CRYL1: variants seen among roughly 807,000 people sequenced by gnomAD.
CRYL1 encodes crystallin lambda 1.
In CRYL1, 29 loss-of-function variants were observed where a neutral mutation model predicts 36.6. The ratio of observed to expected loss-of-function variants is 0.79; its 90% CI spans 0.59 to 1.08. The LOEUF is 1.08. Among genes scored for constraint, CRYL1 ranks in the 50% least tolerant of loss-of-function variants. CRYL1 has a pLI of 0.00. For missense variants in CRYL1, 411 were observed against 407.9 expected (o/e 1.01, Z -0.06); for synonymous variants, 152 against 151.5 (o/e 1.00, Z -0.02).
chr13:20,516,211 A>AG (rs1555233546), intron 1 of CRYL1, among the ~76,000 whole-genome samples: 1 of 150,504 alleles, frequency 6.6e-6, no homozygotes, highest in Non-Finnish European at 1.5e-5. Flanking sequence ...AAAAAAAAAA[A>AG]GGCAAATTGT....
chr13:20,457,742 A>G (rs2032720247), intron 3 of CRYL1, among the ~76,000 whole-genome samples: 1 of 152,210 alleles, frequency 6.6e-6, no homozygotes, highest in African/African-American at 2.4e-5. Context: ...AAAGGACCAA[A>G]AGCTGTGGCC....
chr13:20,414,800 G>A (rs908637001), intron 5 of CRYL1, among the ~76,000 whole-genome samples: 1 of 152,234 alleles, frequency 6.6e-6, no homozygotes, highest in Non-Finnish European at 1.5e-5. Flanking sequence ...ATCTGCAAGA[G>A]CTGCGCTCCA....
In CRYL1 at chr13:20,413,524, G is replaced by T; in HGVS notation, c.634-137C>A. ...CTATACAGGGTGAGTACCACTTACCGAATATGCTTATGACCAGACATGTTT... is the reference window on the plus strand; with the variant it reads ...CTATACAGGGTGAGTACCACTTACCTAATATGCTTATGACCAGACATGTTT... On this transcript the variant is annotated intron_variant, in intron 5 of 7. Coordinates refer to ENST00000298248, the MANE Select transcript of CRYL1 (RefSeq NM_015974.3). 1.4e-5 allele frequency: 8 copies of T among 579,580 alleles called. No individual in the cohort carries two copies. In the South Asian group the frequency reaches 1.6e-4, roughly 12 times the overall value. The allele number at this position is 579,580 out of a possible 1,614,324, so 35.9% of individuals were successfully genotyped here.
intron 2 of CRYL1, among the ~76,000 whole-genome samples, chr13:20,501,479 A>G (rs899673067): frequency 2.0e-5 from 3 of 152,168 alleles, no homozygotes; most frequent in African/African-American, 7.2e-5. Context: ...CATGGCTAAC[A>G]TTTCTTTCAG....
At chr13:20,504,680 G>A (rs959702983) in intron 2 of CRYL1, among the ~76,000 whole-genome samples, 1 of 152,166 alleles carries the variant, frequency 6.6e-6, no homozygotes, top group Non-Finnish European at 1.5e-5. Context: ...AGACAAAGCA[G>A]TAAAGTATCT....
intron 1 of CRYL1, among the ~76,000 whole-genome samples, chr13:20,512,764 G>T (rs2033937647): frequency 6.6e-6 from 1 of 152,140 alleles, no homozygotes; most frequent in Non-Finnish European, 1.5e-5. Context: ...TGATGAAGGT[G>T]GAGAATAAAA....
intron 3 of CRYL1, among the ~76,000 whole-genome samples, chr13:20,472,625 A>G (rs1193398374): frequency 1.3e-5 from 2 of 152,196 alleles, no homozygotes; most frequent in Admixed American, 1.3e-4. Flanking sequence ...GGTTCCTCCC[A>G]ACCACTGCCT....
intron 3 of CRYL1, chr13:20,476,927 C>G (rs1242053711): frequency 6.6e-6 from 1 of 152,310 alleles, no homozygotes; most frequent in Non-Finnish European, 1.5e-5. Context: ...TTTGGGAGGC[C>G]GAGGCGAGTG....
chr13:20,489,800 C>A (rs1011806716), intron 2 of CRYL1, among the ~76,000 whole-genome samples: 5 of 152,020 alleles, frequency 3.3e-5, no homozygotes, highest in African/African-American at 9.7e-5. Context: ...GGGTATAAAC[C>A]CAAAATAATG....
At chr13:20,521,102 C>CAAAAA (rs55882188) in intron 1 of CRYL1, among the ~76,000 whole-genome samples, 4 of 75,442 alleles carry the variant, frequency 5.3e-5, no homozygotes, top group Admixed American at 1.5e-4. Context: ...GACTCCGTCT[C>CAAAAA]AAAAAAAAAA....
At chr13:20,420,482 C>T (rs2031774245) in intron 5 of CRYL1, among the ~76,000 whole-genome samples, 1 of 150,430 alleles carries the variant, frequency 6.6e-6, no homozygotes, top group Non-Finnish European at 1.5e-5. Context: ...TGAGGCCTGA[C>T]CTTAAAACAT....
At chr13:20,438,492 G>A (rs1206635246) in intron 4 of CRYL1, among the ~76,000 whole-genome samples, 3 of 152,102 alleles carry the variant, frequency 2.0e-5, no homozygotes, top group Non-Finnish European at 2.9e-5. Context: ...TAACCCTCAC[G>A]ATTCTCCAGA....
In CRYL1 at chr13:20,488,692, T is replaced by G. The variant is rs556573510; in HGVS notation, c.276+678A>C. Reference sequence around the variant, plus strand: ...ATGACTCTTTTAGCTTTAGGTAAATTTGCATAAACCTTATAGCAGTAAGTG... The same window carrying G: ...ATGACTCTTTTAGCTTTAGGTAAATGTGCATAAACCTTATAGCAGTAAGTG... On this transcript the variant is annotated intron_variant, in intron 3 of 7. Transcript: ENST00000298248. 3.3e-5 allele frequency among the ~76,000 whole-genome samples: 5 copies of G among 152,334 alleles called. No homozygotes were observed. In the South Asian group the frequency reaches 1.0e-3, roughly 32 times the overall value.
At chr13:20,468,000 A>G (rs139499556) in intron 3 of CRYL1, among the ~76,000 whole-genome samples, 3 of 152,162 alleles carry the variant, frequency 2.0e-5, no homozygotes, top group African/African-American at 4.8e-5. Context: ...TGCTCTCCTC[A>G]TGAGAATCTT....
At chr13:20,430,748 AG>A (rs2032040855) in intron 5 of CRYL1, 1 of 985,340 alleles carries the variant, frequency 1.0e-6, no homozygotes, top group Admixed American at 6.1e-5. Flanking sequence ...ACAAATAAAA[AG>A]CTGAGATTGC....
chr13:20,520,212 G>T (rs531291152), intron 1 of CRYL1, among the ~76,000 whole-genome samples: 23 of 152,306 alleles, frequency 1.5e-4, no homozygotes, highest in South Asian at 8.3e-4. Context: ...AAAGAAACTG[G>T]AGACAATATG....
At chr13:20,437,394 A>C (rs1023553826) in intron 4 of CRYL1, among the ~76,000 whole-genome samples, 4 of 147,442 alleles carry the variant, frequency 2.7e-5, no homozygotes. Context: ...TGCAAGCTCC[A>C]CCTCCTGGGT....
chr13:20,480,742 A>G (rs2033260753), intron 3 of CRYL1, among the ~76,000 whole-genome samples: 2 of 152,190 alleles, frequency 1.3e-5, no homozygotes, highest in South Asian at 4.1e-4. Flanking sequence ...GGGACCCACA[A>G]TGCTGGCCAT....
At chr13:20,486,249 T>A (rs979209964) in intron 3 of CRYL1, among the ~76,000 whole-genome samples, 1 of 152,144 alleles carries the variant, frequency 6.6e-6, no homozygotes, top group Admixed American at 6.5e-5. Context: ...AAGAAACACA[T>A]AAATGGTGCT....
Sources: gnomAD v4.1 joint callset for allele counts (sites outside exome capture counted in the v4.1 genomes callset) on GRCh38, gnomAD v4.1.1 for gene constraint, MANE v1.5 for transcripts, NCBI Gene and HGNC (gene_info 2026-07-23, HGNC 2026-07-21) for gene names.